The following HUS1 variants were observed in gnomAD, a reference collection of about 807,000 sequenced individuals.
The protein encoded by HUS1 is checkpoint protein HUS1.
HUS1 carries 31 observed loss-of-function variants against 32.6 expected under a neutral mutation model. The ratio of observed to expected loss-of-function variants is 0.95; its 90% CI spans 0.72 to 1.28. The LOEUF is 1.28. HUS1 is among the 50% of genes most tolerant of loss of function. HUS1 has a pLI of 0.00. For synonymous variants in HUS1, 123 were observed against 116.6 expected, an observed-to-expected ratio of 1.06 and a Z score of -0.36; for missense variants, 340 against 337.7, an observed-to-expected ratio of 1.01 and a Z score of -0.05.
chr7:47,967,750 C>A, intron 7 of HUS1, 56 bp downstream of exon 7: 1 of 1,451,738 alleles, frequency 6.9e-7, no homozygotes, highest in Non-Finnish European at 9.4e-7. Flanking sequence ...CTAGAGTTGA[C>A]TGCAGTATTT....
intron 5 of HUS1, among the ~76,000 whole-genome samples, chr7:47,973,082 T>C (rs1788631169): frequency 6.6e-6 from 1 of 152,176 alleles, no homozygotes; most frequent in South Asian, 2.1e-4. Context: ...TGTGTTCTTC[T>C]CTCTCCAGCT....
At chr7:47,979,354 T>A in intron 1 of HUS1, 114 bp downstream of exon 1, 1 of 602,190 alleles carries the variant, frequency 1.7e-6, no homozygotes, top group Non-Finnish European at 2.2e-6. Context: ...GGCCCCATCC[T>A]CCCGCGGCCC....
chr7:47,975,604 G>T lies in HUS1; in HGVS notation c.540+9C>A. On this transcript the variant is annotated intron_variant, in intron 5 of 7. Transcript: ENST00000258774. The stretch of plus-strand genomic sequence containing the variant: ...TTCAGAGTTCTTTTCTAAAGAAGTT[G>T]TGACTTACAAGGTGATTGCTGATGT... 1 of 1,574,012 alleles carries T rather than the reference G, an allele frequency of 6.4e-7. No individual in the cohort carries two copies. The highest frequency in any genetic ancestry group is 8.7e-7 in the Non-Finnish European group (1 of 1,144,096).
At chr7:47,975,977 C>T (rs1788695915) in intron 4 of HUS1, among the ~76,000 whole-genome samples, 1 of 152,172 alleles carries the variant, frequency 6.6e-6, no homozygotes, top group Non-Finnish European at 1.5e-5. Flanking sequence ...TAGGGTACTT[C>T]AGCTGAGATG....
At position 47,972,819 on chromosome 7, in the gene HUS1, GT is replaced by G. The variant is rs752576346; in HGVS notation, c.540+2793del. On this transcript the variant is annotated intron_variant, in intron 5 of 7. Coordinates refer to ENST00000258774, the MANE Select transcript of HUS1 (RefSeq NM_004507.4). ...TCATGACTCCTAAACATAGACTCTG[GT>G]TTCTATCATTAGGTGACCCTGCAGA... 7.2e-5 allele frequency among the ~76,000 whole-genome samples: 11 copies of G among 152,224 alleles called. No individual in the cohort carries two copies. In the South Asian group the frequency reaches 1.5e-3, roughly 20 times the overall value.
At chr7:47,979,435 C>A in intron 1 of HUS1, 33 bp downstream of exon 1, 1 of 1,612,710 alleles carries the variant, frequency 6.2e-7, no homozygotes. Flanking sequence ...TCCTTCCGTT[C>A]CTCCCTCGCT....
chr7:47,972,315 A>G (rs1788615101), intron 5 of HUS1, among the ~76,000 whole-genome samples: 1 of 152,232 alleles, frequency 6.6e-6, no homozygotes, highest in Non-Finnish European at 1.5e-5. Flanking sequence ...GCCTAGATGC[A>G]CTTCAGGCTT....
intron 5 of HUS1, among the ~76,000 whole-genome samples, chr7:47,969,651 G>T (rs796616991): frequency 1.1e-4 from 17 of 152,256 alleles, no homozygotes; most frequent in African/African-American, 4.1e-4. Context: ...GGGAGGGCTG[G>T]GTGGAGCTGA....
chr7:47,970,094 G>T (rs1025057995), intron 5 of HUS1, among the ~76,000 whole-genome samples: 1 of 151,682 alleles, frequency 6.6e-6, no homozygotes, highest in Non-Finnish European at 1.5e-5. Context: ...TTAGCCGGGC[G>T]TGGTGGCGGG....
In HUS1 at chr7:47,979,488, G is replaced by A. The variant is rs761731324; in HGVS notation, c.32C>T (p.Ala11Val). ...CTCACGTGTGAAGTGGTTCAGACAG[G>A]CCCCGTCCACGATCTTGGCCCGAAA... MKFRAKIVDG[A>V]CLNHFTRISN... The change falls in exon 1 of 8, where the codon GCC becomes GTC. Residue 11 changes from alanine (A) to valine (V), a missense_variant. Physicochemically the swap from Ala to Val is moderately conservative, Grantham distance 64. Coordinates refer to ENST00000258774, the MANE Select transcript of HUS1 (RefSeq NM_004507.4). 3.1e-6 allele frequency: 5 copies of A among 1,612,904 alleles called. No homozygotes were observed. In the East Asian group the frequency reaches 6.7e-5, roughly 22 times the overall value.
chr7:47,963,872 A>G lies in HUS1; in HGVS notation c.*1484T>C, dbSNP rs1009823919. On this transcript the variant is annotated 3_prime_UTR_variant, in exon 8 of 8. Coordinates refer to ENST00000258774, the MANE Select transcript of HUS1 (RefSeq NM_004507.4). The stretch of plus-strand genomic sequence containing the variant: ...AGTAAGCCAAGATCGCGCCACTAGC[A>G]CTCCAGACTGGCGACAGAGTGAGAC... The G allele has an allele frequency of 5.9e-5, 9 of 151,996 alleles. No individual in the cohort carries two copies. The highest frequency in any genetic ancestry group is 2.2e-4 in the African/African-American group (9 of 41,456). 9.4% of individuals were successfully genotyped at this position (151,996 alleles called of 1,614,324 possible). A position where few individuals can be genotyped will look rare whatever the true frequency, so the allele number is the denominator to read the frequency against.
At chr7:47,975,930 C>T (rs1315225262) in intron 4 of HUS1, among the ~76,000 whole-genome samples, 1 of 152,198 alleles carries the variant, frequency 6.6e-6, no homozygotes, top group East Asian at 1.9e-4. Context: ...CCTCAGCAAC[C>T]ATGTCCCTGT....
intron 1 of HUS1, 41 bp from the exon 2 acceptor site, chr7:47,978,857 T>A (rs1037184667): frequency 6.3e-7 from 1 of 1,599,658 alleles, no homozygotes; most frequent in Non-Finnish European, 8.5e-7. Flanking sequence ...AAAATGCACA[T>A]TATGTATCCT....
intron 3 of HUS1, among the ~76,000 whole-genome samples, chr7:47,977,731 A>G (rs982835409): frequency 9.9e-5 from 15 of 152,036 alleles, no homozygotes; most frequent in Admixed American, 5.2e-4. Flanking sequence ...GACTCTACTA[A>G]AAAAATACAA....
Position 47,978,746 on chromosome 7 carries a change from G to A in HUS1, c.123C>T (p.Phe41=), listed in dbSNP as rs1788763380. ...CATTAGCCAGCTTGTCACAAAGGAT[G>A]AAGTTAAGCTTATCAGGGCTGATGC... ...TLRISPDKLN[F]ILCDKLANGG... Residue 41 remains phenylalanine (F), a synonymous_variant, in exon 2 of 8, where the codon TTC becomes TTT. Transcript: ENST00000258774. 6.2e-7 allele frequency: 1 copy of A among 1,614,256 alleles called. No individual in the cohort carries two copies. Among genetic ancestry groups the A allele is most frequent in the Non-Finnish European group, 8.5e-7 (1 of 1,180,046 alleles).
intron 4 of HUS1, chr7:47,976,380 A>G (rs914159286): frequency 4.3e-6 from 2 of 462,756 alleles, no homozygotes; most frequent in African/African-American, 4.0e-5. Context: ...TTTCGTGCAC[A>G]TCCAGATATC....
At chr7:47,976,211 T>C in intron 4 of HUS1, 1 of 374,566 alleles carries the variant, frequency 2.7e-6, no homozygotes, top group Non-Finnish European at 5.3e-6. Flanking sequence ...AGTAATTATT[T>C]TACCCAGCAT....
intron 5 of HUS1, among the ~76,000 whole-genome samples, chr7:47,975,138 C>A (rs1223798954): frequency 3.6e-5 from 5 of 138,440 alleles, no homozygotes; most frequent in African/African-American, 1.4e-4. Context: ...ACGGTGAAAC[C>A]CCGTCTGTAC....
At chr7:47,969,046 G>GC in intron 6 of HUS1, 173 bp downstream of exon 6, 2 of 543,972 alleles carry the variant, frequency 3.7e-6, no homozygotes, top group South Asian at 2.3e-5. Context: ...GTGGCTAACT[G>GC]CCCCACTACA....
Sources: allele counts gnomAD v4.1 joint callset (sites outside exome capture counted in the v4.1 genomes callset), GRCh38; gene constraint gnomAD v4.1.1; transcripts MANE v1.5; gene names NCBI Gene and HGNC (gene_info 2026-07-23, HGNC 2026-07-21).